Variants in RUNX1 observed in about 807,000 individuals in gnomAD.
RUNX1 encodes the protein RUNX family transcription factor 1.
RUNX1 carries 19 observed loss-of-function variants against 42.8 expected under a neutral mutation model. That is an observed-to-expected ratio of 0.44 (90% CI 0.31 to 0.65). The LOEUF (loss-of-function observed/expected upper bound fraction) is 0.65. RUNX1 is among the 30% of genes least tolerant of loss of function. The pLI, the probability that RUNX1 is intolerant of heterozygous loss-of-function variation, is 0.07. For synonymous variants in RUNX1, 271 were observed against 289.4 expected (o/e 0.94, Z 0.64); for missense variants, 528 against 672.0 (o/e 0.79, Z 2.37).
intron 2 of RUNX1, among the ~76,000 whole-genome samples, chr21:35,029,562 G>C (rs559931541): frequency 6.6e-6 from 1 of 152,276 alleles, no homozygotes; most frequent in East Asian, 1.9e-4. Context: ...CCCTTGGCGA[G>C]GTATCTTTCT....
intron 4 of RUNX1, among the ~76,000 whole-genome samples, chr21:34,882,057 A>G (rs1237031939): frequency 6.6e-6 from 1 of 152,146 alleles, no homozygotes; most frequent in Non-Finnish European, 1.5e-5. Context: ...GCATTCCTTA[A>G]TCTAGTGTTA....
intron 2 of RUNX1, among the ~76,000 whole-genome samples, chr21:35,022,135 C>T (rs1327067793): frequency 3.9e-5 from 6 of 152,152 alleles, no homozygotes; most frequent in South Asian, 2.1e-4. Flanking sequence ...TAGCTGAGAG[C>T]GGGTGTAGAC....
chr21:34,808,749 C>T (rs770434903), intron 7 of RUNX1, among the ~76,000 whole-genome samples: 17 of 152,134 alleles, frequency 1.1e-4, no homozygotes, highest in Non-Finnish European at 4.4e-5. Flanking sequence ...CCCTGCACCA[C>T]GAGGCTGCTA....
At chr21:34,962,981 C>T (rs1297858695) in intron 2 of RUNX1, among the ~76,000 whole-genome samples, 2 of 152,314 alleles carry the variant, frequency 1.3e-5, no homozygotes, top group East Asian at 3.9e-4. Flanking sequence ...AACACCCTTG[C>T]CCAACATCAG....
chr21:34,886,754 G>A, intron 4 of RUNX1, 89 bp downstream of exon 4: 1 of 1,594,372 alleles, frequency 6.3e-7, no homozygotes, highest in South Asian at 1.1e-5. Context: ...CCAGAATCCG[G>A]CCCCGCCCGC....
Position 35,043,595 on chromosome 21 carries a change from T to C in RUNX1, c.58+5247A>G, listed in dbSNP as rs201026887. 4.6e-5 allele frequency among the ~76,000 whole-genome samples: 7 copies of C among 152,256 alleles called. No individual in the cohort carries two copies. In the East Asian group the frequency reaches 5.8e-4, roughly 13 times the overall value. On this transcript the variant is annotated intron_variant, in intron 2 of 8. Transcript: ENST00000675419. ...TGATGTGTTTTATGGTACCTCTTTC[T>C]GATGCATGTAAAGACTTCCAACAGG... is the stretch of plus-strand genomic sequence containing the variant.
intron 2 of RUNX1, among the ~76,000 whole-genome samples, chr21:34,940,111 C>T (rs1206728282): frequency 2.6e-5 from 4 of 151,994 alleles, no homozygotes; most frequent in Non-Finnish European, 5.9e-5. Context: ...CAGTAAATTC[C>T]GATGGTTTTT....
At chr21:34,846,519 T>A (rs1344605814) in intron 6 of RUNX1, among the ~76,000 whole-genome samples, 1 of 152,122 alleles carries the variant, frequency 6.6e-6, no homozygotes, top group Non-Finnish European at 1.5e-5. Context: ...ACCTTAAAAA[T>A]CATTCAATCT....
At chr21:34,909,577 T>C (rs2058254423) in intron 2 of RUNX1, among the ~76,000 whole-genome samples, 1 of 97,644 alleles carries the variant, frequency 1.0e-5, no homozygotes, top group Non-Finnish European at 1.9e-5. Flanking sequence ...ACAGACCAGG[T>C]CACTGTTCCT....
intron 2 of RUNX1, among the ~76,000 whole-genome samples, chr21:35,019,969 G>A (rs191810022): frequency 6.6e-6 from 1 of 152,214 alleles, no homozygotes; most frequent in East Asian, 1.9e-4. Flanking sequence ...TTGGTATCGG[G>A]GAAGCAGATA....
chr21:35,036,374 A>C (rs1241087241), intron 2 of RUNX1, among the ~76,000 whole-genome samples: 1 of 152,198 alleles, frequency 6.6e-6, no homozygotes, highest in Admixed American at 6.5e-5. Flanking sequence ...GAGGCTGGCC[A>C]GCCCCCTGCA....
intron 2 of RUNX1, among the ~76,000 whole-genome samples, chr21:35,015,705 G>A (rs562539426): frequency 6.6e-6 from 1 of 152,340 alleles, no homozygotes; most frequent in Admixed American, 6.5e-5. Flanking sequence ...AGTGCTTACT[G>A]TGTTCCAGGC....
intron 7 of RUNX1, among the ~76,000 whole-genome samples, chr21:34,818,207 G>A (rs907310593): frequency 1.3e-5 from 2 of 152,190 alleles, no homozygotes; most frequent in African/African-American, 4.8e-5. Flanking sequence ...TCCTCCCCTG[G>A]GCTGCTCCAC....
At chr21:34,981,171 C>G (rs994351209) in intron 2 of RUNX1, among the ~76,000 whole-genome samples, 17 of 152,174 alleles carry the variant, frequency 1.1e-4, no homozygotes, top group African/African-American at 4.1e-4. Flanking sequence ...GCTTTAATAG[C>G]ATTGCTTGTG....
chr21:34,844,075 T>C (rs1288991384), intron 6 of RUNX1, among the ~76,000 whole-genome samples: 1 of 152,100 alleles, frequency 6.6e-6, no homozygotes, highest in African/African-American at 2.4e-5. Context: ...TAAGGTCTTA[T>C]CTCAAGGAAA....
chr21:34,905,684 T>G (rs1396562032), intron 2 of RUNX1, among the ~76,000 whole-genome samples: 3 of 152,222 alleles, frequency 2.0e-5, no homozygotes, highest in African/African-American at 7.2e-5. Context: ...GGAAGTTATA[T>G]GGAAGCATAA....
At chr21:34,809,936 G>T (rs376511426) in intron 7 of RUNX1, among the ~76,000 whole-genome samples, 10 of 152,358 alleles carry the variant, frequency 6.6e-5, no homozygotes, top group South Asian at 6.2e-4. Context: ...TTTGAGCCCA[G>T]CTCAGATGGA....
At chr21:34,914,746 T>C (rs927419479) in intron 2 of RUNX1, among the ~76,000 whole-genome samples, 4 of 152,210 alleles carry the variant, frequency 2.6e-5, no homozygotes, top group African/African-American at 4.8e-5. Flanking sequence ...GAATTCAGCA[T>C]TGGGAAGCCT....
At chr21:34,969,799 A>G (rs547649434) in intron 2 of RUNX1, among the ~76,000 whole-genome samples, 87 of 152,174 alleles carry the variant, frequency 5.7e-4, no homozygotes, top group Non-Finnish European at 1.2e-4. Flanking sequence ...GAATCTAATT[A>G]TAACTTTCCA....
Sources: allele counts gnomAD v4.1 joint callset (sites outside exome capture counted in the v4.1 genomes callset), GRCh38; gene constraint gnomAD v4.1.1; transcripts MANE v1.5; gene names NCBI Gene and HGNC (gene_info 2026-07-23, HGNC 2026-07-21).